The following ALG1 variants were observed in gnomAD, a reference collection of about 807,000 sequenced individuals.
ALG1 encodes the protein ALG1 chitobiosyldiphosphodolichol beta-mannosyltransferase.
ALG1 carries 58 observed loss-of-function variants against 55.1 expected under a neutral mutation model. That is an observed-to-expected ratio of 1.05 (90% CI 0.85 to 1.31). ALG1 has a LOEUF of 1.31. ALG1 is among the 50% of genes most tolerant of loss of function. The probability of loss-of-function intolerance (pLI) is 0.00; values close to 1 mark genes in which losing one functional copy is unlikely to be tolerated. For synonymous variants in ALG1, 309 were observed against 247.0 expected (o/e 1.25, Z -2.35); for missense variants, 761 against 598.6 (o/e 1.27, Z -2.83).
Position 5,075,534 on chromosome 16 carries a change from G to C in ALG1, c.537G>C (p.Lys179Asn), listed in dbSNP as rs1956895998. Residue 179 changes from lysine to asparagine, a missense_variant and splice_region_variant, in exon 4 of 13, where the codon AAG (lysine) becomes AAC (asparagine). Lys to Asn is a moderately conservative substitution (Grantham distance 94, BLOSUM62 0). Transcript: ENST00000262374. ...ACCATCCCCTCGTTCTGCTGGCCAAGTGGTGAGAGTCTAGGAAGAGGGTAA... is the reference window on the plus strand; with the variant it reads ...ACCATCCCCTCGTTCTGCTGGCCAACTGGTGAGAGTCTAGGAAGAGGGTAA... ...GPNHPLVLLA[K>N]WYEKFFGRLS... is the part of the protein sequence containing the mutation. The C allele has an allele frequency of 1.2e-6, 2 of 1,614,004 alleles. No homozygotes were observed. The highest frequency in any genetic ancestry group is 2.2e-5 in the South Asian group (2 of 91,088).
rs1409387603 is a variant in ALG1, at chr16:5,085,747, C to T, written c.*866C>T. On this transcript the variant is annotated 3_prime_UTR_variant, in exon 13 of 13. Coordinates refer to ENST00000262374, the MANE Select transcript of ALG1 (RefSeq NM_019109.5). ...CCCGGCCCGGCCTGGAAACAGAGCA[C>T]ATGTGTTTGAGGATGGCGGTGTTTG... is the stretch of plus-strand genomic sequence containing the variant. 1.9e-6 allele frequency: 3 copies of T among 1,595,152 alleles called. No individual in the cohort carries two copies. Among genetic ancestry groups the T allele is most frequent in the African/African-American group, 1.3e-5 (1 of 74,472 alleles).
rs549707102 is a variant in ALG1, at chr16:5,074,113, A to G, written c.390+857A>G. ...GAAGAATACTTTTTTTTTTAAATCA[A>G]TTTTTAATATATAGAAGCACCTTCC... On this transcript the variant is annotated intron_variant, in intron 3 of 12. Transcript: ENST00000262374. Among the ~76,000 whole-genome samples, 434 of 151,516 alleles carry G rather than the reference A, an allele frequency of 2.9e-3. 2 individuals are homozygous for G. The highest frequency in any genetic ancestry group is 4.7e-3 in the Non-Finnish European group (321 of 67,842).
chr16:5,074,526 G>C (rs1443473596), intron 3 of ALG1, among the ~76,000 whole-genome samples: 1 of 152,170 alleles, frequency 6.6e-6, no homozygotes, highest in Non-Finnish European at 1.5e-5. Context: ...TCATGTTAAT[G>C]GATACTCAGA....
chr16:5,076,264 A>G (rs1038506262), intron 4 of ALG1, among the ~76,000 whole-genome samples: 8 of 152,218 alleles, frequency 5.3e-5, no homozygotes, highest in Admixed American at 1.3e-4. Context: ...GCCTTGGGCC[A>G]TTGGCTGGCT....
chr16:5,077,571 C>A, intron 5 of ALG1, 37 bp downstream of exon 5: 1 of 1,599,510 alleles, frequency 6.3e-7, no homozygotes, highest in Non-Finnish European at 8.6e-7. Context: ...CTGGGAGAGG[C>A]GCGGGGCCCC....
At position 5,071,950 on chromosome 16, in the gene ALG1, A is replaced by G. The variant is rs752670140; in HGVS notation, c.101A>G (p.His34Arg). Residue 34 changes from histidine to arginine, a missense_variant, in exon 1 of 13, where the codon CAT becomes CGT. Coordinates refer to ENST00000262374, the MANE Select transcript of ALG1 (RefSeq NM_019109.5). ...KRWRRGRAAR[H>R]VVAVVLGDVG... Reference sequence around the variant, plus strand: ...TGGCGCCGGGGGCGGGCGGCCCGGCATGTAGTAGCGGTGGTGCTGGGCGAC... The same window carrying G: ...TGGCGCCGGGGGCGGGCGGCCCGGCGTGTAGTAGCGGTGGTGCTGGGCGAC... 10 of 1,588,212 alleles carry G rather than the reference A, an allele frequency of 6.3e-6. No individual in the cohort carries two copies. Among genetic ancestry groups the G allele is most frequent in the Non-Finnish European group, 8.6e-6 (10 of 1,167,504 alleles).
chr16:5,082,330 C>CA (rs1199924540), intron 10 of ALG1, among the ~76,000 whole-genome samples: 1 of 134,370 alleles, frequency 7.4e-6, no homozygotes, highest in Admixed American at 7.9e-5. Flanking sequence ...AACAACACAA[C>CA]AACAAAAAAA....
At chr16:5,074,286 C>T (rs140480132) in intron 3 of ALG1, among the ~76,000 whole-genome samples, 260 of 152,222 alleles carry the variant, frequency 1.7e-3, no homozygotes, top group Non-Finnish European at 1.9e-3. Flanking sequence ...GCTGGGATTA[C>T]AGGCATGTGC....
Position 5,077,625 on chromosome 16 carries a change from T to C in ALG1, c.629+91T>C, listed in dbSNP as rs1053217420. 6 of 1,346,766 alleles carry C rather than the reference T, an allele frequency of 4.5e-6. No homozygotes were observed. The Admixed American group carries it at 6.8e-5, about 15-fold the overall frequency. 83.4% of individuals were successfully genotyped at this position (1,346,766 alleles called of 1,614,324 possible). ...GCTGCCTTGCCTGCTGCCGTCCTGC[T>C]GAGGGGCAATTTGAAATACTGAGGG... On this transcript the variant is annotated intron_variant, in intron 5 of 12. Transcript: ENST00000262374.
chr16:5,080,661 T>C (rs538169274), intron 9 of ALG1, among the ~76,000 whole-genome samples: 2 of 152,134 alleles, frequency 1.3e-5, no homozygotes, highest in African/African-American at 4.8e-5. Flanking sequence ...GTCCACCCAG[T>C]GGGCGGTCGG....
intron 9 of ALG1, 78 bp from the exon 10 acceptor site, chr16:5,080,868 G>C (rs576846697): frequency 1.1e-4 from 167 of 1,550,742 alleles, no homozygotes; most frequent in Middle Eastern, 6.9e-4. Flanking sequence ...TCCCTCCTAG[G>C]GGGGAGTGTC....
At chr16:5,077,316 AGCTGGG>A in intron 4 of ALG1, 123 bp from the exon 5 acceptor site, 1 of 803,894 alleles carries the variant, frequency 1.2e-6, no homozygotes, top group South Asian at 1.4e-5. Context: ...ACACTGGCAC[AGCTGGG>A]GCTCAGGGAG....
intron 3 of ALG1, among the ~76,000 whole-genome samples, chr16:5,073,746 C>T (rs1276253283): frequency 6.6e-6 from 1 of 152,252 alleles, no homozygotes; most frequent in South Asian, 2.1e-4. Flanking sequence ...CAGAGTTTCG[C>T]TCTTGCCGCC....
At chr16:5,083,536 T>G (rs1308622020) in intron 11 of ALG1, 146 bp from the exon 12 acceptor site, 10 of 1,515,438 alleles carry the variant, frequency 6.6e-6, no homozygotes, top group African/African-American at 1.4e-5. Context: ...ATGCCAAATC[T>G]AAGAACCAGC....
intron 4 of ALG1, among the ~76,000 whole-genome samples, chr16:5,076,798 T>G (rs924398928): frequency 6.8e-6 from 1 of 147,504 alleles, no homozygotes; most frequent in African/African-American, 2.5e-5. Context: ...CTTCCTTTTT[T>G]TTTTTTTTTT....
At chr16:5,072,744 A>G (rs1956839330) in intron 1 of ALG1, among the ~76,000 whole-genome samples, 1 of 152,240 alleles carries the variant, frequency 6.6e-6, no homozygotes, top group African/African-American at 2.4e-5. Context: ...GAAGGTAGGT[A>G]AGATTCAGGC....
Position 5,077,960 on chromosome 16 carries a change from A to G in ALG1, c.683A>G (p.Asp228Gly), listed in dbSNP as rs759264819. 52 of 1,604,978 alleles carry G rather than the reference A, an allele frequency of 3.2e-5. No homozygotes were observed. The highest frequency in any genetic ancestry group is 4.1e-5 in the Non-Finnish European group (48 of 1,179,820). The change falls in exon 6 of 13, where the codon GAC becomes GGC. Residue 228 changes from aspartate to glycine, a missense_variant. By Grantham distance (94) the Asp-to-Gly change is moderately conservative. Transcript: ENST00000262374. ...TCTTTCTTTAAAGAGACACCTCTGGACCTGCAGCACCGGCTCTTCATGAAG... is the reference window on the plus strand; with the variant it reads ...TCTTTCTTTAAAGAGACACCTCTGGGCCTGCAGCACCGGCTCTTCATGAAG... ...PASFFKETPL[D>G]LQHRLFMKLG...
At chr16:5,083,308 T>C (rs1418255349) in intron 11 of ALG1, among the ~76,000 whole-genome samples, 8 of 152,216 alleles carry the variant, frequency 5.3e-5, no homozygotes. Flanking sequence ...GGATCAAACC[T>C]GGTGCCCTAG....
At chr16:5,072,354 G>C in intron 1 of ALG1, 1 of 1,051,374 alleles carries the variant, frequency 9.5e-7, no homozygotes, top group Non-Finnish European at 1.3e-6. Flanking sequence ...TGGTAGCTAC[G>C]TCCCTGTGCA....
Sources: gnomAD v4.1 joint callset for allele counts (sites outside exome capture counted in the v4.1 genomes callset) on GRCh38, gnomAD v4.1.1 for gene constraint, MANE v1.5 for transcripts, NCBI Gene and HGNC (gene_info 2026-07-23, HGNC 2026-07-21) for gene names.